Variants in PTPRJ observed in about 807,000 individuals in gnomAD.
PTPRJ encodes receptor-type tyrosine-protein phosphatase eta.
PTPRJ carries 129 observed loss-of-function variants against 141.3 expected under a neutral mutation model. The ratio of observed to expected loss-of-function variants is 0.91; its 90% CI spans 0.79 to 1.06. The LOEUF is 1.06. Ranked by LOEUF, PTPRJ falls within the 50% of genes least tolerant of loss-of-function variation. PTPRJ has a pLI of 0.00. For synonymous variants in PTPRJ, 610 were observed against 640.5 expected (o/e 0.95, Z 0.72); for missense variants, 1,601 against 1,679.7 (o/e 0.95, Z 0.82).
chr11:48,144,588 C>A, intron 12 of PTPRJ, 87 bp from the exon 13 acceptor site: 1 of 1,079,418 alleles, frequency 9.3e-7, no homozygotes, highest in Non-Finnish European at 1.4e-6. Flanking sequence ...TCACTATCAC[C>A]CAACATCACC....
rs560921483 is a variant in PTPRJ at position 48,033,179 on chromosome 11, G to C, written c.96+52171G>C. ...TTTTCCAAGGAAAGCCCCTCCTGGT[G>C]GGGGGCCATAGGAAACAGCTGGTGC... is the stretch of plus-strand genomic sequence containing the variant. On this transcript the variant is annotated intron_variant, in intron 1 of 24. Coordinates refer to ENST00000418331, the MANE Select transcript of PTPRJ (RefSeq NM_002843.4). Among the ~76,000 whole-genome samples, 6 of 152,262 alleles carry C rather than the reference G, an allele frequency of 3.9e-5. No individual in the cohort carries two copies. The South Asian group carries it at 6.2e-4, about 16-fold the overall frequency.
At chr11:48,038,813 A>G (rs1437234029) in intron 1 of PTPRJ, among the ~76,000 whole-genome samples, 20 of 146,494 alleles carry the variant, frequency 1.4e-4, no homozygotes. Flanking sequence ...TTATCCCTTT[A>G]CTTTCCTAAT....
At chr11:48,074,733 G>GT (rs902329009) in intron 1 of PTPRJ, among the ~76,000 whole-genome samples, 2 of 152,014 alleles carry the variant, frequency 1.3e-5, no homozygotes, top group Non-Finnish European at 2.9e-5. Context: ...GGGATTCAAA[G>GT]TTTTTTTTGA....
intron 1 of PTPRJ, among the ~76,000 whole-genome samples, chr11:48,054,817 CT>C (rs34013393): frequency 3.4e-3 from 478 of 140,126 alleles, no homozygotes; most frequent in Non-Finnish European, 3.5e-3. Context: ...TCCTTTCTTT[CT>C]TTTTTTTTTT....
At chr11:48,149,296 G>T in intron 15 of PTPRJ, 151 bp from the exon 16 acceptor site, 1 of 648,112 alleles carries the variant, frequency 1.5e-6, no homozygotes, top group South Asian at 1.9e-5. Flanking sequence ...TTTAGTATTA[G>T]GGGGCAGGAT....
intron 6 of PTPRJ, 40 bp downstream of exon 6, chr11:48,125,226 C>T (rs1249325515): frequency 6.3e-7 from 1 of 1,594,658 alleles, no homozygotes; most frequent in South Asian, 1.1e-5. Flanking sequence ...CCAGAGTTTC[C>T]TAGCACAATG....
chr11:48,160,234 G>A lies in PTPRJ; in HGVS notation c.3558+185G>A, dbSNP rs527659467. 9.2e-5 allele frequency among the ~76,000 whole-genome samples: 14 copies of A among 152,286 alleles called. 1 individual carries two copies. The highest frequency in any genetic ancestry group is 8.5e-4 in the Admixed American group (13 of 15,308). ...TCCAAGGCAACCCCTTGACTTTTCT[G>A]GGAAATTTACTTTCTTGGGAATAAC... is the stretch of plus-strand genomic sequence containing the variant. On this transcript the variant is annotated intron_variant, in intron 22 of 24. Coordinates refer to ENST00000418331, the MANE Select transcript of PTPRJ (RefSeq NM_002843.4).
At chr11:48,131,228 G>A (rs749785408) in intron 8 of PTPRJ, among the ~76,000 whole-genome samples, 11 of 151,552 alleles carry the variant, frequency 7.3e-5, no homozygotes, top group Non-Finnish European at 1.5e-4. Context: ...AATTACAGGT[G>A]TGCACCACCA....
chr11:48,073,957 T>C (rs924641197), intron 1 of PTPRJ, among the ~76,000 whole-genome samples: 2 of 152,214 alleles, frequency 1.3e-5, no homozygotes, highest in African/African-American at 2.4e-5. Context: ...TAAAAAACCA[T>C]AGTTTATAAT....
intron 1 of PTPRJ, among the ~76,000 whole-genome samples, chr11:48,083,781 G>A (rs1332967721): frequency 1.3e-5 from 2 of 152,200 alleles, no homozygotes; most frequent in African/African-American, 4.8e-5. Flanking sequence ...TACTTAAGTG[G>A]GTGGGAAGTT....
At chr11:48,104,827 C>T (rs1027971238) in intron 1 of PTPRJ, among the ~76,000 whole-genome samples, 5 of 152,186 alleles carry the variant, frequency 3.3e-5, no homozygotes, top group African/African-American at 1.2e-4. Flanking sequence ...CAGGGTTGAA[C>T]CAGCTTAGTG....
intron 1 of PTPRJ, among the ~76,000 whole-genome samples, chr11:48,030,039 G>T (rs1298309595): frequency 6.6e-6 from 1 of 152,148 alleles, no homozygotes; most frequent in Non-Finnish European, 1.5e-5. Flanking sequence ...ATGTTCTCTG[G>T]AGCCAGTGAT....
intron 1 of PTPRJ, among the ~76,000 whole-genome samples, chr11:48,006,386 G>A (rs139664686): frequency 6.6e-6 from 1 of 152,048 alleles, no homozygotes; most frequent in Non-Finnish European, 1.5e-5. Flanking sequence ...ATCTAGGGGC[G>A]GGGAGGGACA....
rs1010867744 is a variant in PTPRJ at position 48,110,192 on chromosome 11, A to ATTTTTC, written c.115+133_115+138dup. Reference sequence around the variant, plus strand: ...TTTATTAAAACCTGCTCGGTTTCCAATTTTTCTTTTTCTTTTTCTTTTCTT... The same window carrying ATTTTTC: ...TTTATTAAAACCTGCTCGGTTTCCAATTTTTCTTTTTCTTTTTCTTTTTCTTTTCTT... On this transcript the variant is annotated intron_variant, in intron 2 of 24. Coordinates refer to ENST00000418331, the MANE Select transcript of PTPRJ (RefSeq NM_002843.4). 2.4e-4 allele frequency: 282 copies of ATTTTTC among 1,197,956 alleles called. No individual in the cohort carries two copies. In the Admixed American group the frequency reaches 4.4e-3, roughly 19 times the overall value. The allele number at this position is 1,197,956 out of a possible 1,614,324, so 74.2% of individuals were successfully genotyped here. A position where few individuals can be genotyped will look rare whatever the true frequency, so the allele number is the denominator to read the frequency against.
At position 48,145,074 on chromosome 11, in the gene PTPRJ, A is replaced by G. The variant is rs764349640; in HGVS notation, c.2861A>G (p.Tyr954Cys). ...GGGCTCATTGATGGGGCTGAGAGCT[A>G]TGTGTCCTTCAGTCGCTACTCAGAT... ...NKGLIDGAESYVSFSRYSDAV... is the reference protein window; with the variant it reads ...NKGLIDGAESCVSFSRYSDAV... Residue 954 changes from tyrosine (Y) to cysteine (C), a missense_variant, in exon 14 of 25, where the codon TAT becomes TGT. By Grantham distance (194) the Tyr-to-Cys change is radical (BLOSUM62 -2). Coordinates refer to ENST00000418331, the MANE Select transcript of PTPRJ (RefSeq NM_002843.4). 1.9e-5 allele frequency: 31 copies of G among 1,614,178 alleles called. No homozygotes were observed. The East Asian group carries it at 2.9e-4, about 15-fold the overall frequency.
intron 8 of PTPRJ, among the ~76,000 whole-genome samples, chr11:48,133,358 T>G (rs780632792): frequency 2.0e-5 from 3 of 152,158 alleles, no homozygotes; most frequent in Non-Finnish European, 4.4e-5. Context: ...TTCCTCTTAA[T>G]ATCAGTATTT....
In PTPRJ at chr11:48,125,064, A is replaced by G. The variant is rs1251131028; in HGVS notation, c.971A>G (p.Gln324Arg). The G allele has an allele frequency of 3.1e-6, 5 of 1,614,004 alleles. No individual in the cohort carries two copies. Among genetic ancestry groups the G allele is most frequent in the South Asian group, 1.1e-5 (1 of 91,086 alleles). Residue 324 changes from glutamine (Q) to arginine (R), a missense_variant, in exon 6 of 25, where the codon CAG becomes CGG. Transcript: ENST00000418331. Reference sequence around the variant, plus strand: ...CCTGTGGACCCATCCTCCGGCCAGCAGTCCCGAGACACGGAAGTCCTGCTT... The same window carrying G: ...CCTGTGGACCCATCCTCCGGCCAGCGGTCCCGAGACACGGAAGTCCTGCTT... The part of the protein sequence containing the change: ...VGPVDPSSGQ[Q>R]SRDTEVLLVG...
intron 1 of PTPRJ, among the ~76,000 whole-genome samples, chr11:48,060,223 C>G (rs577614870): frequency 1.3e-5 from 2 of 152,246 alleles, no homozygotes; most frequent in East Asian, 1.9e-4. Context: ...ACTGAGAATT[C>G]AAGAGGTAGA....
chr11:48,114,040 A>G (rs1200513336), intron 3 of PTPRJ, among the ~76,000 whole-genome samples: 4 of 151,962 alleles, frequency 2.6e-5, no homozygotes, highest in Non-Finnish European at 5.9e-5. Context: ...CATAAAAAAC[A>G]TTGTGATACA....
Sources: allele counts gnomAD v4.1 joint callset (sites outside exome capture counted in the v4.1 genomes callset), GRCh38; gene constraint gnomAD v4.1.1; transcripts MANE v1.5; gene names NCBI Gene and HGNC (gene_info 2026-07-23, HGNC 2026-07-21).